FGFR2: variants seen among roughly 807,000 people sequenced by gnomAD.
The protein encoded by FGFR2 is BEK fibroblast growth factor receptor.
In FGFR2, 19 loss-of-function variants were observed where a neutral mutation model predicts 95.9. The observed-to-expected ratio is 0.20, with a 90% confidence interval of 0.14 to 0.29. The LOEUF (loss-of-function observed/expected upper bound fraction) is 0.29, where lower values mean the gene tolerates loss of function less well. Among genes scored for constraint, FGFR2 ranks in the 10% least tolerant of loss-of-function variants. FGFR2 has a pLI of 1.00. For synonymous variants in FGFR2, 392 were observed against 393.3 expected (o/e 1.00, Z 0.04); for missense variants, 707 against 1,056.9 (o/e 0.67, Z 4.59).
chr10:121,589,064 T>C (rs1232579649), intron 2 of FGFR2, among the ~76,000 whole-genome samples: 1 of 152,244 alleles, frequency 6.6e-6, no homozygotes, highest in Non-Finnish European at 1.5e-5. Context: ...AAATAATTTC[T>C]GAACTGCCTA....
chr10:121,551,031 C>A (rs2134819169), intron 5 of FGFR2, among the ~76,000 whole-genome samples: 1 of 152,122 alleles, frequency 6.6e-6, no homozygotes, highest in South Asian at 2.1e-4. Flanking sequence ...CCATCCTGGA[C>A]AACACGGTGA....
At chr10:121,552,980 G>A (rs571463467) in intron 4 of FGFR2, among the ~76,000 whole-genome samples, 206 of 152,256 alleles carry the variant, frequency 1.4e-3, no homozygotes, top group Non-Finnish European at 2.3e-3. Context: ...TGTAGAGCAC[G>A]TCCCTGGGGG....
chr10:121,535,891 G>A (rs905805147), intron 6 of FGFR2, among the ~76,000 whole-genome samples: 4 of 152,112 alleles, frequency 2.6e-5, no homozygotes, highest in African/African-American at 9.7e-5. Flanking sequence ...GCCTTTCCAA[G>A]GAAGAATTTC....
At chr10:121,480,381 A>G (rs745414012) in intron 17 of FGFR2, 25 of 389,594 alleles carry the variant, frequency 6.4e-5, no homozygotes, top group Non-Finnish European at 1.1e-4. Flanking sequence ...TCGGCTTCAC[A>G]CGGACCTAAA....
At chr10:121,546,781 C>T (rs577558293) in intron 5 of FGFR2, among the ~76,000 whole-genome samples, 2 of 152,184 alleles carry the variant, frequency 1.3e-5, no homozygotes, top group South Asian at 4.2e-4. Context: ...GCCACCAAAG[C>T]ACAATCATAG....
chr10:121,504,754 A>T (rs532486341), intron 9 of FGFR2, among the ~76,000 whole-genome samples: 12 of 152,328 alleles, frequency 7.9e-5, no homozygotes, highest in Non-Finnish European at 1.5e-4. Flanking sequence ...TTTCTTGTTT[A>T]TCCTGATCCA....
At position 121,526,645 on chromosome 10, in the gene FGFR2, A is replaced by C. The variant is rs1453445737; in HGVS notation, c.749-6476T>G. On this transcript the variant is annotated intron_variant, in intron 6 of 17. Coordinates refer to ENST00000358487, the MANE Select transcript of FGFR2 (RefSeq NM_000141.5). ...GGCCAGGAAGACCACCTTCAGAAAG[A>C]GCCCAGGTGCCCACAGCCAGTATCT... 21 of 398,630 alleles carry C rather than the reference A, an allele frequency of 5.3e-5. 1 individual carries two copies. The East Asian group carries it at 7.1e-4, about 14-fold the overall frequency. 24.7% of individuals were successfully genotyped at this position (398,630 alleles called of 1,614,324 possible). A position where few individuals can be genotyped will look rare whatever the true frequency, so the allele number is the denominator to read the frequency against.
intron 17 of FGFR2, among the ~76,000 whole-genome samples, chr10:121,480,719 A>C (rs946197004): frequency 3.3e-5 from 5 of 152,182 alleles, no homozygotes; most frequent in Non-Finnish European, 7.3e-5. Flanking sequence ...AAACTTCAGG[A>C]AAATATCGGT....
intron 2 of FGFR2, among the ~76,000 whole-genome samples, chr10:121,572,999 C>G (rs1327363776): frequency 6.6e-6 from 1 of 152,248 alleles, no homozygotes; most frequent in African/African-American, 2.4e-5. Context: ...TCCAGCTGGA[C>G]TTCTCACCCA....
At chr10:121,549,804 C>CCTTCCTTAATTGA (rs1855102126) in intron 5 of FGFR2, among the ~76,000 whole-genome samples, 1 of 152,156 alleles carries the variant, frequency 6.6e-6, no homozygotes, top group Non-Finnish European at 1.5e-5. Context: ...CCCCAATTAA[C>CCTTCCTTAATTGA]CCTTCCAATG....
At chr10:121,524,912 GATGTATT>G (rs1851146930) in intron 6 of FGFR2, among the ~76,000 whole-genome samples, 1 of 152,148 alleles carries the variant, frequency 6.6e-6, no homozygotes. Context: ...AGAATCCCCT[GATGTATT>G]ATCTCTGGGC....
At chr10:121,486,437 T>G (rs1037843815) in intron 15 of FGFR2, among the ~76,000 whole-genome samples, 2 of 152,026 alleles carry the variant, frequency 1.3e-5, no homozygotes, top group African/African-American at 4.8e-5. Flanking sequence ...AAATAAAAAA[T>G]AGTTCAAGTG....
chr10:121,510,421 C>A (rs1848907249), intron 9 of FGFR2, among the ~76,000 whole-genome samples: 1 of 152,178 alleles, frequency 6.6e-6, no homozygotes, highest in African/African-American at 2.4e-5. Flanking sequence ...CATGAAAGGG[C>A]AGATTCCAGT....
intron 1 of FGFR2, chr10:121,596,537 A>G (rs1410666387): frequency 5.1e-6 from 1 of 196,808 alleles, no homozygotes; most frequent in African/African-American, 2.3e-5. Context: ...CGGCTCCTCC[A>G]AAGTGCAGAC....
At chr10:121,569,773 T>C (rs1393425793) in intron 2 of FGFR2, among the ~76,000 whole-genome samples, 3 of 152,196 alleles carry the variant, frequency 2.0e-5, no homozygotes, top group African/African-American at 7.2e-5. Flanking sequence ...ACTGCTGTCT[T>C]GGTAAACTGA....
chr10:121,582,474 A>C (rs757027348), intron 2 of FGFR2, among the ~76,000 whole-genome samples: 1 of 152,178 alleles, frequency 6.6e-6, no homozygotes, highest in Non-Finnish European at 1.5e-5. Context: ...TGCAAATTTA[A>C]GAGGGAAATT....
intron 9 of FGFR2, among the ~76,000 whole-genome samples, chr10:121,514,466 C>CT (rs1380812641): frequency 1.3e-5 from 2 of 152,156 alleles, no homozygotes; most frequent in Admixed American, 6.5e-5. Flanking sequence ...TAAAAACAAT[C>CT]TGTTGCTGGT....
At chr10:121,480,515 A>G in intron 17 of FGFR2, 1 of 226,224 alleles carries the variant, frequency 4.4e-6, no homozygotes, top group Admixed American at 5.0e-5. Context: ...GAGACTATGA[A>G]TATTTATTTT....
intron 2 of FGFR2, among the ~76,000 whole-genome samples, chr10:121,580,072 T>C (rs1050897201): frequency 3.3e-5 from 5 of 152,150 alleles, no homozygotes; most frequent in Admixed American, 6.5e-5. Context: ...CAGATCCCGT[T>C]TGACATTTTC....
Sources: allele counts gnomAD v4.1 joint callset (sites outside exome capture counted in the v4.1 genomes callset), GRCh38; gene constraint gnomAD v4.1.1; transcripts MANE v1.5; gene names NCBI Gene and HGNC (gene_info 2026-07-23, HGNC 2026-07-21).